Variants in NCKAP5 observed in about 807,000 individuals in gnomAD.
NCKAP5 encodes NCK associated protein 5, also known as nck-associated protein 5.
In NCKAP5, 92 loss-of-function variants were observed where a neutral mutation model predicts 167.0. The observed-to-expected ratio is 0.55, with a 90% CI of 0.47 to 0.66. The LOEUF (loss-of-function observed/expected upper bound fraction) is 0.66, where lower values mean the gene tolerates loss of function less well. Ranked by LOEUF, NCKAP5 falls within the 30% of genes least tolerant of loss-of-function variation. The pLI is 0.00. For missense variants in NCKAP5, 2,378 were observed against 2,315.0 expected (o/e 1.03, Z -0.56); for synonymous variants, 891 against 877.4 (o/e 1.02, Z -0.27).
Position 132,781,113 on chromosome 2 carries a change from T to C in NCKAP5, c.4988A>G (p.Gln1663Arg). The C allele has an allele frequency of 6.2e-7, 1 of 1,613,924 alleles. No individual in the cohort carries two copies. Among genetic ancestry groups the C allele is most frequent in the South Asian group, 1.1e-5 (1 of 91,048 alleles). The part of the protein sequence containing the change: ...SCLIGSSIST[Q>R]GNHKKNMKIK... ...TTTCATGTTTTTCTTGTGGTTTCCT[T>C]GAGTACTGATAGAGCTGCCGATGAG... is the stretch of plus-strand genomic sequence containing the variant. Residue 1663 changes from glutamine to arginine, a missense_variant, in exon 15 of 20, where the codon CAA becomes CGA. Coordinates refer to ENST00000409261, the MANE Select transcript of NCKAP5 (RefSeq NM_207363.3).
At chr2:133,261,221 C>A (rs2088891501) in intron 4 of NCKAP5, among the ~76,000 whole-genome samples, 1 of 151,984 alleles carries the variant, frequency 6.6e-6, no homozygotes, top group African/African-American at 2.4e-5. Context: ...CCAAATACAA[C>A]CCTGTATATT....
At chr2:133,350,391 C>T (rs2150812577) in intron 3 of NCKAP5, among the ~76,000 whole-genome samples, 1 of 152,104 alleles carries the variant, frequency 6.6e-6, no homozygotes, top group East Asian at 1.9e-4. Context: ...CCAGCCTGAT[C>T]AACAAAGAAA....
At chr2:133,595,064 A>C in the NCKAP5 span, among the ~76,000 whole-genome samples, 24 of 152,338 alleles carry the variant, frequency 1.6e-4, no homozygotes, top group African/African-American at 5.3e-4. Flanking sequence ...GGGGCACTTA[A>C]CACAACTTTC....
intron 2 of NCKAP5, among the ~76,000 whole-genome samples, chr2:133,553,151 A>C (rs1687491026): frequency 6.6e-6 from 1 of 152,244 alleles, no homozygotes; most frequent in Non-Finnish European, 1.5e-5. Context: ...TATAAGTGGG[A>C]AAATAATAAA....
intron 3 of NCKAP5, among the ~76,000 whole-genome samples, chr2:133,359,090 C>T (rs976534721): frequency 1.3e-5 from 2 of 152,116 alleles, no homozygotes; most frequent in African/African-American, 2.4e-5. Flanking sequence ...ATAATTGTTA[C>T]AAACTCAGAA....
At chr2:133,656,215 G>C in the NCKAP5 span, among the ~76,000 whole-genome samples, 1 of 151,806 alleles carries the variant, frequency 6.6e-6, no homozygotes, top group Non-Finnish European at 1.5e-5. Context: ...TTGACCTTGG[G>C]CAAGTTATTC....
At chr2:133,492,171 T>TGTGTGTG (rs1266493354) in intron 3 of NCKAP5, among the ~76,000 whole-genome samples, 1 of 61,692 alleles carries the variant, frequency 1.6e-5, no homozygotes, top group Non-Finnish European at 3.5e-5. Context: ...GTGTGTGTGT[T>TGTGTGTG]AAGGTCTATC....
chr2:132,800,780 G>C (rs1196214169), intron 11 of NCKAP5, among the ~76,000 whole-genome samples: 1 of 152,040 alleles, frequency 6.6e-6, no homozygotes, highest in Non-Finnish European at 1.5e-5. Flanking sequence ...CTCTCATTTT[G>C]GTCCTTTATC....
At chr2:133,527,046 T>C (rs914881432) in intron 2 of NCKAP5, 3 of 152,010 alleles carry the variant, frequency 2.0e-5, no homozygotes, top group Non-Finnish European at 4.4e-5. Context: ...TGCTACTAAA[T>C]GCATTCTGTT....
intron 3 of NCKAP5, among the ~76,000 whole-genome samples, chr2:133,327,409 T>C (rs920016314): frequency 8.5e-5 from 13 of 152,216 alleles, no homozygotes; most frequent in African/African-American, 3.1e-4. Flanking sequence ...ATCCCAATTC[T>C]AGGCAAAGAT....
At chr2:133,441,598 A>G (rs1365688359) in intron 3 of NCKAP5, among the ~76,000 whole-genome samples, 1 of 152,234 alleles carries the variant, frequency 6.6e-6, no homozygotes, top group Non-Finnish European at 1.5e-5. Context: ...TCATTTAGAG[A>G]TTCCAAGGAA....
At chr2:133,271,491 G>A (rs953327257) in intron 4 of NCKAP5, among the ~76,000 whole-genome samples, 1 of 152,128 alleles carries the variant, frequency 6.6e-6, no homozygotes, top group African/African-American at 2.4e-5. Flanking sequence ...CTGAGTCTGA[G>A]CAAGGCCTTT....
chr2:132,793,134 C>T (rs189921804), intron 12 of NCKAP5, among the ~76,000 whole-genome samples: 1 of 152,168 alleles, frequency 6.6e-6, no homozygotes, highest in Admixed American at 6.5e-5. Context: ...CTCAGCCTTC[C>T]AAGTAGCTGG....
At chr2:132,866,402 G>T (rs569706932) in intron 10 of NCKAP5, among the ~76,000 whole-genome samples, 4 of 152,234 alleles carry the variant, frequency 2.6e-5, no homozygotes, top group Admixed American at 6.5e-5. Context: ...TGATTTGGAG[G>T]CATCAAAGGA....
At chr2:132,881,425 T>C in intron 8 of NCKAP5, among the ~76,000 whole-genome samples, 1 of 152,134 alleles carries the variant, frequency 6.6e-6, no homozygotes, top group East Asian at 1.9e-4. Context: ...TCTGCCCGCC[T>C]CGGCCTCCCA....
At chr2:133,148,415 C>T (rs898065554) in intron 5 of NCKAP5, among the ~76,000 whole-genome samples, 2 of 152,096 alleles carry the variant, frequency 1.3e-5, no homozygotes, top group South Asian at 4.1e-4. Flanking sequence ...TCAACTTACA[C>T]ATTTCACACT....
intron 3 of NCKAP5, among the ~76,000 whole-genome samples, chr2:133,352,909 T>A (rs1684465539): frequency 6.6e-6 from 1 of 152,224 alleles, no homozygotes; most frequent in African/African-American, 2.4e-5. Flanking sequence ...ATTGTCCAGA[T>A]GTTGGCAAAA....
At chr2:133,663,414 T>C in the NCKAP5 span, among the ~76,000 whole-genome samples, 1 of 152,174 alleles carries the variant, frequency 6.6e-6, no homozygotes, top group Non-Finnish European at 1.5e-5. Flanking sequence ...TGGTGCCAAT[T>C]TGTTAAAATA....
At chr2:132,691,604 A>AGC (rs1686739072) in intron 19 of NCKAP5, among the ~76,000 whole-genome samples, 1 of 152,212 alleles carries the variant, frequency 6.6e-6, no homozygotes, top group African/African-American at 2.4e-5. Context: ...ATCTTGGACA[A>AGC]GCACCGCCAT....
Sources: gnomAD v4.1 joint callset for allele counts (sites outside exome capture counted in the v4.1 genomes callset) on GRCh38, gnomAD v4.1.1 for gene constraint, MANE v1.5 for transcripts, NCBI Gene and HGNC (gene_info 2026-07-23, HGNC 2026-07-21) for gene names.